Variants in AKT3 observed in about 807,000 individuals in gnomAD.
AKT3 encodes the protein RAC-gamma serine/threonine-protein kinase.
A neutral mutation model predicts 65.3 loss-of-function variants in AKT3; 15 were observed. That is an observed-to-expected ratio of 0.23 (90% CI 0.15 to 0.35). AKT3 has a LOEUF of 0.35. Among genes scored for constraint, AKT3 ranks in the 10% least tolerant of loss-of-function variants. AKT3 has a pLI of 1.00. For missense variants in AKT3, 243 were observed against 576.5 expected, an observed-to-expected ratio of 0.42 and a Z score of 5.92; for synonymous variants, 206 against 183.8, an observed-to-expected ratio of 1.12 and a Z score of -0.98.
intron 9 of AKT3, among the ~76,000 whole-genome samples, chr1:243,564,216 C>T (rs898418603): frequency 6.6e-6 from 1 of 152,068 alleles, no homozygotes; most frequent in African/African-American, 2.4e-5. Flanking sequence ...GCATCTTCTT[C>T]TAGATATATA....
At chr1:243,732,095 A>G (rs1387562978) in intron 2 of AKT3, among the ~76,000 whole-genome samples, 1 of 152,214 alleles carries the variant, frequency 6.6e-6, no homozygotes, top group Non-Finnish European at 1.5e-5. Flanking sequence ...TGAATATAAA[A>G]TGGACAACAG....
intron 2 of AKT3, among the ~76,000 whole-genome samples, chr1:243,742,047 C>T (rs1186583876): frequency 1.1e-5 from 1 of 92,438 alleles, no homozygotes. Flanking sequence ...CAAACAACTA[C>T]AGATAGAAAA....
chr1:243,492,768 T>C (rs1453632674), intron 13 of AKT3, among the ~76,000 whole-genome samples: 2 of 151,630 alleles, frequency 1.3e-5, no homozygotes, highest in East Asian at 2.0e-4. Flanking sequence ...CCACCACGCC[T>C]GGCTAATTTT....
chr1:243,532,845 T>G (rs1671637415), intron 12 of AKT3, among the ~76,000 whole-genome samples: 1 of 152,206 alleles, frequency 6.6e-6, no homozygotes, highest in Non-Finnish European at 1.5e-5. Context: ...GGGGTCTATT[T>G]GGATTTTCAA....
rs115425200 is a variant in AKT3 at position 243,833,311 on chromosome 1, T to A, written c.46+9814A>T. 7.9e-3 allele frequency among the ~76,000 whole-genome samples: 1,201 copies of A among 151,678 alleles called. 13 individuals are homozygous for A. Among genetic ancestry groups the A allele is most frequent in the African/African-American group, 0.028 (1,157 of 41,302 alleles). ...CTGGGTAATTAACAAAGGAAAGAAGTTTAATTGACTCATAGTTCAGCATGG... is the reference window on the plus strand; with the variant it reads ...CTGGGTAATTAACAAAGGAAAGAAGATTAATTGACTCATAGTTCAGCATGG... On this transcript the variant is annotated intron_variant, in intron 2 of 13. Transcript: ENST00000673466.
intron 4 of AKT3, among the ~76,000 whole-genome samples, chr1:243,653,801 G>A (rs1480664333): frequency 1.3e-5 from 2 of 152,070 alleles, no homozygotes; most frequent in East Asian, 1.9e-4. Context: ...TCATTATAAA[G>A]TATCCTAGTA....
intron 12 of AKT3, among the ~76,000 whole-genome samples, chr1:243,528,006 C>A (rs951659310): frequency 7.4e-5 from 11 of 149,658 alleles, no homozygotes; most frequent in Non-Finnish European, 1.5e-5. Flanking sequence ...TGCCTAAATA[C>A]CATAACTTTC....
chr1:243,809,984 A>G (rs1558833091), intron 2 of AKT3, among the ~76,000 whole-genome samples: 2 of 152,164 alleles, frequency 1.3e-5, no homozygotes, highest in Non-Finnish European at 1.5e-5. Context: ...TTTGAAACCA[A>G]GAGAACAAAG....
intron 6 of AKT3, among the ~76,000 whole-genome samples, chr1:243,617,850 T>C (rs570544012): frequency 2.6e-5 from 4 of 152,150 alleles, no homozygotes; most frequent in East Asian, 3.9e-4. Context: ...TTCTGAGATA[T>C]AAAGTTAACA....
chr1:243,640,916 G>A (rs1680334304), intron 5 of AKT3, among the ~76,000 whole-genome samples: 1 of 152,080 alleles, frequency 6.6e-6, no homozygotes, highest in African/African-American at 2.4e-5. Context: ...ATTGATCCTG[G>A]GTGTATCTGT....
intron 2 of AKT3, among the ~76,000 whole-genome samples, chr1:243,790,692 T>C (rs1691572928): frequency 6.6e-6 from 1 of 152,214 alleles, no homozygotes; most frequent in African/African-American, 2.4e-5. Context: ...CATAGCTTCC[T>C]CACTATGCTT....
At chr1:243,527,918 CACACACACACACACACACAGAGAGAG>C (rs1346555296) in intron 12 of AKT3, among the ~76,000 whole-genome samples, 7 of 96,448 alleles carry the variant, frequency 7.3e-5, no homozygotes, top group African/African-American at 2.0e-4. Flanking sequence ...CACACACACA[CACACACACACACACACACAGAGAGAG>C]AGAGAGAGAG....
intron 5 of AKT3, among the ~76,000 whole-genome samples, chr1:243,644,564 T>A (rs1680667557): frequency 6.6e-6 from 1 of 152,184 alleles, no homozygotes; most frequent in African/African-American, 2.4e-5. Flanking sequence ...GTTTATGTAA[T>A]ACGTGCTCAA....
intron 6 of AKT3, among the ~76,000 whole-genome samples, chr1:243,631,378 C>A (rs1023756233): frequency 1.3e-5 from 2 of 152,078 alleles, no homozygotes; most frequent in Admixed American, 6.5e-5. Context: ...GTGGCACGAT[C>A]TTGGTATTCA....
At chr1:243,525,455 CAA>C (rs368802791) in intron 12 of AKT3, among the ~76,000 whole-genome samples, 61 of 151,296 alleles carry the variant, frequency 4.0e-4, no homozygotes, top group Middle Eastern at 6.9e-3. Flanking sequence ...AATTAGTAGA[CAA>C]AGACTTTAAA....
chr1:243,518,685 T>G (rs1670517365), intron 12 of AKT3, among the ~76,000 whole-genome samples: 1 of 152,248 alleles, frequency 6.6e-6, no homozygotes, highest in Middle Eastern at 3.4e-3. Flanking sequence ...ATCATCAGAA[T>G]GCCCCAACTT....
At chr1:243,613,142 C>CATAT (rs1163776691) in intron 8 of AKT3, 1 of 139,226 alleles carries the variant, frequency 7.2e-6, no homozygotes, top group Admixed American at 7.5e-5. Flanking sequence ...TATATACATA[C>CATAT]ATATATATAC....
At chr1:243,686,448 G>A (rs1035405716) in intron 3 of AKT3, among the ~76,000 whole-genome samples, 1 of 151,430 alleles carries the variant, frequency 6.6e-6, no homozygotes, top group Non-Finnish European at 1.5e-5. Flanking sequence ...ACTGTTGTAA[G>A]CAAGTTCTCT....
At chr1:243,622,338 G>A (rs1320100349) in intron 6 of AKT3, among the ~76,000 whole-genome samples, 1 of 152,116 alleles carries the variant, frequency 6.6e-6, no homozygotes, top group Non-Finnish European at 1.5e-5. Context: ...ATTTAAAACT[G>A]CATTAAGTCC....
Sources: allele counts gnomAD v4.1 joint callset (sites outside exome capture counted in the v4.1 genomes callset), GRCh38; gene constraint gnomAD v4.1.1; transcripts MANE v1.5; gene names NCBI Gene and HGNC (gene_info 2026-07-23, HGNC 2026-07-21).